Variants in DNAH10 observed in about 807,000 individuals in gnomAD.
The protein encoded by DNAH10 is dynein axonemal heavy chain 10, also known as axonemal beta dynein heavy chain 10.
DNAH10 carries 348 observed loss-of-function variants against 506.6 expected under a neutral mutation model. The ratio of observed to expected loss-of-function variants is 0.69; its 90% confidence interval spans 0.63 to 0.75. The LOEUF is 0.75. Ranked by LOEUF, DNAH10 falls within the 30% of genes least tolerant of loss-of-function variation. The pLI is 0.00. For synonymous variants in DNAH10, 2,059 were observed against 2,198.6 expected (o/e 0.94, Z 1.78); for missense variants, 5,179 against 5,787.1 (o/e 0.89, Z 3.41).
intron 65 of DNAH10, among the ~76,000 whole-genome samples, chr12:123,922,481 G>A (rs1475872267): frequency 2.6e-5 from 4 of 152,180 alleles, no homozygotes; most frequent in East Asian, 1.9e-4. Flanking sequence ...GGACACACTC[G>A]TGTCCCTTTC....
intron 13 of DNAH10, among the ~76,000 whole-genome samples, chr12:123,797,139 G>T (rs1958308488): frequency 6.6e-6 from 1 of 152,190 alleles, no homozygotes; most frequent in Non-Finnish European, 1.5e-5. Context: ...CCAAAGTGCT[G>T]GGATTACAGG....
intron 19 of DNAH10, among the ~76,000 whole-genome samples, chr12:123,811,660 C>T (rs1958938781): frequency 6.6e-6 from 1 of 152,172 alleles, no homozygotes. Flanking sequence ...ACCACCACGC[C>T]TGGCTAATTC....
At chr12:123,793,895 A>C (rs1261246567) in intron 11 of DNAH10, 47 bp from the exon 12 acceptor site, 1 of 1,102,820 alleles carries the variant, frequency 9.1e-7, no homozygotes, top group East Asian at 7.7e-5. Flanking sequence ...TTATTTTGGC[A>C]GGATAATTAC....
At chr12:123,896,111 T>TCACACACACACACACACACACA (rs112187635) in intron 54 of DNAH10, among the ~76,000 whole-genome samples, 1 of 48,910 alleles carries the variant, frequency 2.0e-5, no homozygotes, top group Non-Finnish European at 4.4e-5. Context: ...AGACTTTATC[T>TCACACACACACACACACACACA]CACACACACA....
At chr12:123,895,319 T>G (rs1225653228) in intron 54 of DNAH10, among the ~76,000 whole-genome samples, 2 of 152,240 alleles carry the variant, frequency 1.3e-5, no homozygotes, top group Non-Finnish European at 2.9e-5. Flanking sequence ...TGACCTAACT[T>G]GAGCAGATTT....
At chr12:123,765,732 A>G (rs1042799835) in intron 1 of DNAH10, among the ~76,000 whole-genome samples, 5 of 150,966 alleles carry the variant, frequency 3.3e-5, no homozygotes, top group Admixed American at 2.6e-4. Context: ...CCTATCATCT[A>G]TCCATCTATC....
rs1343944538 is a variant in DNAH10, at chr12:123,897,753, T to C, written c.9281-17T>C. ...AAAGAAAAAGAAAGAAAACATTTTT[T>C]ATTCCTTCCTCTTCAGGGTATAATC... On this transcript the variant is annotated splice_polypyrimidine_tract_variant and intron_variant, in intron 54 of 78. Coordinates refer to ENST00000673944, the MANE Select transcript of DNAH10 (RefSeq NM_001372106.1). 5 of 1,586,974 alleles carry C rather than the reference T, an allele frequency of 3.2e-6. No individual in the cohort carries two copies. In the Admixed American group the frequency reaches 9.8e-5, roughly 31 times the overall value.
At chr12:123,884,387 CA>C (rs1952639825) in intron 51 of DNAH10, among the ~76,000 whole-genome samples, 1 of 152,174 alleles carries the variant, frequency 6.6e-6, no homozygotes, top group African/African-American at 2.4e-5. Context: ...GCTGTTATAA[CA>C]AAGTGCGATA....
chr12:123,905,977 G>T (rs911297919), intron 57 of DNAH10, among the ~76,000 whole-genome samples: 2 of 151,904 alleles, frequency 1.3e-5, no homozygotes, highest in African/African-American at 2.4e-5. Context: ...GAGTGCAGTG[G>T]CACGATCTCG....
intron 36 of DNAH10, among the ~76,000 whole-genome samples, chr12:123,856,844 C>G (rs985751011): frequency 6.8e-6 from 1 of 147,610 alleles, no homozygotes; most frequent in African/African-American, 2.5e-5. Context: ...AAATTAATTT[C>G]TGTAATTTAA....
rs1034091137 is a variant in DNAH10, at chr12:123,871,473, C to A, written c.7656C>A (p.Thr2552=). 1.9e-6 allele frequency: 3 copies of A among 1,585,278 alleles called. No homozygotes were observed. Among genetic ancestry groups the A allele is most frequent in the African/African-American group, 2.7e-5 (2 of 74,434 alleles). The change falls in exon 45 of 79, where the codon ACC becomes ACA. Residue 2552 remains threonine, a synonymous_variant. Transcript: ENST00000673944. The part of the protein sequence containing the change: ...FINILVHTVD[T]TRTTWILEQM... ...CTACTTTAGTTCACACAGTGGATAC[C>A]ACTCGGACTACCTGGATATTGGAAC...
At position 123,907,258 on chromosome 12, in the gene DNAH10, G is replaced by A. The variant is rs1051540151; in HGVS notation, c.9816-2003G>A. ...GGCACCTTCTCTGAGATTGCAAGGA[G>A]CTCGGCTGGAGAAAAAGCAGAGACA... On this transcript the variant is annotated intron_variant, in intron 57 of 78. Coordinates refer to ENST00000673944, the MANE Select transcript of DNAH10 (RefSeq NM_001372106.1). The surrounding 1 kb of genome is among the most constrained non-coding windows in gnomAD (Gnocchi z 4.4). 6.6e-6 allele frequency among the ~76,000 whole-genome samples: 1 copy of A among 152,246 alleles called. No homozygotes were observed. The highest frequency in any genetic ancestry group is 2.4e-5 in the African/African-American group (1 of 41,462).
intron 25 of DNAH10, 135 bp from the exon 26 acceptor site, chr12:123,830,411 A>T (rs1328051933): frequency 9.8e-6 from 10 of 1,023,484 alleles, no homozygotes; most frequent in Non-Finnish European, 1.4e-5. Context: ...TATATTTCTA[A>T]TGATGTCCTC....
chr12:123,897,452 G>C (rs930886636), intron 54 of DNAH10, among the ~76,000 whole-genome samples: 1 of 152,182 alleles, frequency 6.6e-6, no homozygotes, highest in Non-Finnish European at 1.5e-5. Context: ...GGCTGGGTGC[G>C]GTGAGTCACG....
intron 26 of DNAH10, among the ~76,000 whole-genome samples, chr12:123,832,150 T>C (rs971292441): frequency 3.3e-5 from 5 of 152,148 alleles, no homozygotes; most frequent in African/African-American, 1.2e-4. Flanking sequence ...CACATGTACA[T>C]ATGCACATAA....
chr12:123,834,593 C>T (rs1384596761), intron 27 of DNAH10, among the ~76,000 whole-genome samples: 2 of 152,198 alleles, frequency 1.3e-5, no homozygotes, highest in African/African-American at 2.4e-5. Context: ...TTAGTACATT[C>T]ACAGTGTTGT....
At chr12:123,915,700 C>A (rs966185328) in intron 62 of DNAH10, among the ~76,000 whole-genome samples, 1 of 152,256 alleles carries the variant, frequency 6.6e-6, no homozygotes, top group Admixed American at 6.5e-5. Flanking sequence ...TGCATCAGGG[C>A]GTCATTCCTT....
At chr12:123,923,694 T>C in intron 65 of DNAH10, 69 bp from the exon 66 acceptor site, 4 of 1,045,184 alleles carry the variant, frequency 3.8e-6, no homozygotes, top group Non-Finnish European at 5.6e-6. Context: ...AAGCACAGTG[T>C]GCATAAGAAA....
intron 25 of DNAH10, 77 bp from the exon 26 acceptor site, chr12:123,830,469 T>G: frequency 7.1e-7 from 1 of 1,405,440 alleles, no homozygotes; most frequent in Non-Finnish European, 9.6e-7. Context: ...AGATTTGTCC[T>G]GTGATTTAAA....
Sources: allele counts gnomAD v4.1 joint callset (sites outside exome capture counted in the v4.1 genomes callset), GRCh38; gene constraint gnomAD v4.1.1; non-coding constraint Gnocchi (gnomAD v3.1); transcripts MANE v1.5; gene names NCBI Gene and HGNC (gene_info 2026-07-23, HGNC 2026-07-21).